The following CA6 variants were observed in gnomAD, a reference collection of about 807,000 sequenced individuals.
CA6 encodes the protein carbonate dehydratase VI.
CA6 carries 28 observed loss-of-function variants against 35.9 expected under a neutral mutation model. The ratio of observed to expected loss-of-function variants is 0.78; its 90% CI spans 0.58 to 1.07. The LOEUF is 1.07. Among genes scored for constraint, CA6 ranks in the 50% least tolerant of loss-of-function variants. CA6 has a pLI of 0.00. For missense variants in CA6, 377 were observed against 382.0 expected (o/e 0.99, Z 0.11); for synonymous variants, 148 against 152.6 (o/e 0.97, Z 0.22).
intron 6 of CA6, among the ~76,000 whole-genome samples, chr1:8,970,404 G>T (rs1460862225): frequency 1.3e-5 from 2 of 152,130 alleles, no homozygotes; most frequent in Admixed American, 1.3e-4. Flanking sequence ...CTGGAATAAT[G>T]CCTGAGACAC....
intron 7 of CA6, among the ~76,000 whole-genome samples, chr1:8,971,702 T>A (rs1215526484): frequency 4.6e-5 from 7 of 152,156 alleles, no homozygotes; most frequent in Non-Finnish European, 1.0e-4. Context: ...TCCTATACAT[T>A]CTCTCAAAGT....
chr1:8,962,709 GA>G (rs1447322008), intron 5 of CA6, 53 bp downstream of exon 5: 1 of 1,502,638 alleles, frequency 6.7e-7, no homozygotes, highest in African/African-American at 1.4e-5. Flanking sequence ...GTGTGAGTGT[GA>G]GTGTGAGGTG....
At chr1:8,947,850 C>CTTTT (rs527410056) in intron 1 of CA6, among the ~76,000 whole-genome samples, 32 of 140,592 alleles carry the variant, frequency 2.3e-4, no homozygotes, top group African/African-American at 8.4e-4. Flanking sequence ...GTACAGACAC[C>CTTTT]TTTTTTTTTT....
At position 8,966,298 on chromosome 1, in the gene CA6, C is replaced by T. The variant is rs187536955; in HGVS notation, c.572-1361C>T. On this transcript the variant is annotated intron_variant, in intron 5 of 7. Coordinates refer to ENST00000377443, the MANE Select transcript of CA6 (RefSeq NM_001215.4). ...CTAATTTTTGTATTTTTAGTAGAGA[C>T]GGGGTTTCATCATGTTGGCCAGGCT... 2.5e-3 allele frequency among the ~76,000 whole-genome samples: 373 copies of T among 151,848 alleles called. 1 individual carries two copies. Among genetic ancestry groups the T allele is most frequent in the African/African-American group, 7.9e-3 (329 of 41,412 alleles).
intron 4 of CA6, among the ~76,000 whole-genome samples, chr1:8,962,006 G>A (rs1174724698): frequency 2.0e-5 from 3 of 152,142 alleles, no homozygotes; most frequent in East Asian, 1.9e-4. Flanking sequence ...TTGGGAGGCC[G>A]AGGTGGGCCG....
At position 8,974,653 on chromosome 1, in the gene CA6, C is replaced by T; in HGVS notation, c.876C>T (p.Tyr292=). 1 of 1,606,404 alleles carries T rather than the reference C, an allele frequency of 6.2e-7. No homozygotes were observed. The highest frequency in any genetic ancestry group is 8.5e-7 in the Non-Finnish European group (1 of 1,175,932). ...EYTLGSEFQF[Y]LHKIEEILDY... ...CTCTAGGCTCTGAATTCCAGTTTTA[C>T]CTACATAAGATTGAGGAAATTCTTG... The change falls in exon 8 of 8, where the codon TAC becomes TAT. Residue 292 remains tyrosine (Y), a synonymous_variant. Transcript: ENST00000377443.
At chr1:8,956,154 C>T (rs771104945) in intron 2 of CA6, among the ~76,000 whole-genome samples, 4 of 151,526 alleles carry the variant, frequency 2.6e-5, no homozygotes, top group African/African-American at 4.9e-5. Flanking sequence ...ACCCAGGAGG[C>T]GGAGGTTGCA....
chr1:8,964,861 C>G (rs1055825302), intron 5 of CA6, among the ~76,000 whole-genome samples: 5 of 152,184 alleles, frequency 3.3e-5, no homozygotes, highest in Admixed American at 1.3e-4. Context: ...CCCTCTCACT[C>G]TCTTTCTGGC....
At position 8,949,429 on chromosome 1, in the gene CA6, C is replaced by T. The variant is rs1363884776; in HGVS notation, c.246C>T (p.Asn82=). Residue 82 remains asparagine (N), a synonymous_variant, in exon 2 of 8, where the codon AAC becomes AAT. Transcript: ENST00000377443. ...ETQAGEFPMV[N]NGHTVQISLP... The stretch of plus-strand genomic sequence containing the variant: ...AGGCAGGGGAGTTCCCCATGGTCAA[C>T]AATGGCCACACAGGTAAGAGGAAGG... 1 of 1,612,358 alleles carries T rather than the reference C, an allele frequency of 6.2e-7. No homozygotes were observed. Among genetic ancestry groups the T allele is most frequent in the Non-Finnish European group, 8.5e-7 (1 of 1,179,190 alleles).
chr1:8,973,784 C>CTTCTTTCTTTCTTTCT, intron 7 of CA6, among the ~76,000 whole-genome samples: 1 of 52,054 alleles, frequency 1.9e-5, no homozygotes, highest in East Asian at 5.8e-4. Flanking sequence ...TTCTTTCTTT[C>CTTCTTTCTTTCTTTCT]TTTTCCCTCC....
chr1:8,966,438 AC>A lies in CA6; in HGVS notation c.572-1219del, dbSNP rs370345116. 5.3e-5 allele frequency among the ~76,000 whole-genome samples: 8 copies of A among 152,150 alleles called. No individual in the cohort carries two copies. In the East Asian group the frequency reaches 9.6e-4, roughly 18 times the overall value. ...TGTTTATTTTTTGAGGAACTATTAT[AC>A]CATTTTCCGTGGTGGCTGCATCATG... is the stretch of plus-strand genomic sequence containing the variant. On this transcript the variant is annotated intron_variant, in intron 5 of 7. Coordinates refer to ENST00000377443, the MANE Select transcript of CA6 (RefSeq NM_001215.4).
chr1:8,967,139 A>G (rs969119113), intron 5 of CA6, among the ~76,000 whole-genome samples: 2 of 151,978 alleles, frequency 1.3e-5, no homozygotes, highest in Admixed American at 1.3e-4. Flanking sequence ...TGCATTTACA[A>G]CTGTTGTCTA....
At chr1:8,966,721 C>T (rs546095713) in intron 5 of CA6, among the ~76,000 whole-genome samples, 2 of 152,314 alleles carry the variant, frequency 1.3e-5, no homozygotes, top group Admixed American at 6.5e-5. Context: ...CAAAATCCAA[C>T]TCAATCCTGT....
chr1:8,967,372 C>T, intron 5 of CA6, among the ~76,000 whole-genome samples: 1 of 152,154 alleles, frequency 6.6e-6, no homozygotes, highest in East Asian at 1.9e-4. Context: ...ACCCTCACAA[C>T]AATCCTGCTG....
chr1:8,956,514 G>A (rs1639688250), intron 2 of CA6, among the ~76,000 whole-genome samples: 1 of 152,066 alleles, frequency 6.6e-6, no homozygotes, highest in Non-Finnish European at 1.5e-5. Context: ...ACAAAAATTA[G>A]CCAGGCATGG....
chr1:8,958,934 A>G lies in CA6; in HGVS notation c.433A>G (p.Lys145Glu). ...GATTCACATTGTTCACTACAATTCTAAATACAAGAGCTATGATATAGCCCA... is the reference window on the plus strand; with the variant it reads ...GATTCACATTGTTCACTACAATTCTGAATACAAGAGCTATGATATAGCCCA... ...IEIHIVHYNSKYKSYDIAQDA... is the reference protein window; with the variant it reads ...IEIHIVHYNSEYKSYDIAQDA... The change falls in exon 4 of 8, where the codon AAA becomes GAA. Residue 145 changes from lysine (K) to glutamate (E), a missense_variant. By Grantham distance (56) the Lys-to-Glu change is moderately conservative. Coordinates refer to ENST00000377443, the MANE Select transcript of CA6 (RefSeq NM_001215.4). 6.2e-7 allele frequency: 1 copy of G among 1,611,038 alleles called. No individual in the cohort carries two copies.
In CA6 at chr1:8,953,686, A is replaced by G. The variant is rs558402987; in HGVS notation, c.260-3451A>G. Among the ~76,000 whole-genome samples, 83 of 152,254 alleles carry G rather than the reference A, an allele frequency of 5.5e-4. 1 individual carries two copies. The South Asian group carries it at 0.017, about 31-fold the overall frequency. On this transcript the variant is annotated intron_variant, in intron 2 of 7. Transcript: ENST00000377443. ...TCCATGTGTAGGTTTGTGTGTTTTC[A>G]GTCCATGTGGGTAATTACCAAGAGC...
intron 4 of CA6, among the ~76,000 whole-genome samples, chr1:8,960,743 AACACACACACACACACACACACAC>A (rs113532929): frequency 9.2e-6 from 1 of 108,984 alleles, no homozygotes; most frequent in East Asian, 2.4e-4. Flanking sequence ...CAAGTATAGC[AACACACACACACACACACACACAC>A]ACACACACAC....
chr1:8,951,202 G>A (rs1283828545), intron 2 of CA6, among the ~76,000 whole-genome samples: 1 of 144,824 alleles, frequency 6.9e-6, no homozygotes, highest in Non-Finnish European at 1.5e-5. Context: ...GGCAACAAGA[G>A]CAAAACTCCA....
Sources: allele counts gnomAD v4.1 joint callset (sites outside exome capture counted in the v4.1 genomes callset), GRCh38; gene constraint gnomAD v4.1.1; transcripts MANE v1.5; gene names NCBI Gene and HGNC (gene_info 2026-07-23, HGNC 2026-07-21).